The following SPAG16 variants were observed in gnomAD, a reference collection of about 807,000 sequenced individuals.
The protein encoded by SPAG16 is sperm associated antigen 16.
A neutral mutation model predicts 80.4 loss-of-function variants in SPAG16; 86 were observed. The ratio of observed to expected loss-of-function variants is 1.07; its 90% CI spans 0.90 to 1.28. SPAG16 has a LOEUF of 1.28. Ranked by LOEUF, SPAG16 falls within the 50% of genes most tolerant of loss-of-function variation. The pLI is 0.00. For missense variants in SPAG16, 870 were observed against 765.3 expected, an observed-to-expected ratio of 1.14 and a Z score of -1.61; for synonymous variants, 294 against 265.9, an observed-to-expected ratio of 1.11 and a Z score of -1.03.
chr2:213,708,358 A>C (rs2065844042), intron 10 of SPAG16, among the ~76,000 whole-genome samples: 1 of 152,212 alleles, frequency 6.6e-6, no homozygotes, highest in Admixed American at 6.5e-5. Context: ...GTAGCACTTA[A>C]GAAGAGTATG....
At chr2:213,498,190 T>C (rs1184035427) in intron 10 of SPAG16, among the ~76,000 whole-genome samples, 1 of 152,158 alleles carries the variant, frequency 6.6e-6, no homozygotes, top group Non-Finnish European at 1.5e-5. Context: ...TTGATTTAGG[T>C]GAAGCACCCA....
intron 15 of SPAG16, among the ~76,000 whole-genome samples, chr2:214,292,517 A>ATAAC (rs1693870784): frequency 6.6e-6 from 1 of 151,932 alleles, no homozygotes; most frequent in African/African-American, 2.4e-5. Flanking sequence ...TTTTTTTTAA[A>ATAAC]TAACTATTCG....
chr2:213,758,853 G>A (rs2068490637), intron 10 of SPAG16, among the ~76,000 whole-genome samples: 1 of 152,040 alleles, frequency 6.6e-6, no homozygotes, highest in Non-Finnish European at 1.5e-5. Context: ...GACATAAACT[G>A]AAATACATTA....
chr2:213,293,995 A>G (rs1411253793), intron 1 of SPAG16, among the ~76,000 whole-genome samples: 1 of 152,204 alleles, frequency 6.6e-6, no homozygotes, highest in Non-Finnish European at 1.5e-5. Flanking sequence ...ATTATTAGCC[A>G]TAGTTACTGT....
At chr2:213,437,395 A>AT (rs1160122776) in intron 9 of SPAG16, among the ~76,000 whole-genome samples, 1 of 152,220 alleles carries the variant, frequency 6.6e-6, no homozygotes, top group Non-Finnish European at 1.5e-5. Context: ...TAAATAATGA[A>AT]ACGGCTTCAA....
chr2:214,154,497 G>GCC (rs2056123400), intron 15 of SPAG16, among the ~76,000 whole-genome samples: 2 of 63,026 alleles, frequency 3.2e-5, no homozygotes, highest in East Asian at 4.6e-4. Context: ...AAAAGTATCA[G>GCC]ACCCCCCCCC....
chr2:213,334,955 G>T (rs1025796119), intron 5 of SPAG16, among the ~76,000 whole-genome samples: 3 of 152,004 alleles, frequency 2.0e-5, no homozygotes, highest in Admixed American at 2.0e-4. Context: ...AGTAAAATTC[G>T]ATTTTTTGTA....
chr2:214,313,038 C>G (rs1001259745), intron 15 of SPAG16, among the ~76,000 whole-genome samples: 1 of 151,520 alleles, frequency 6.6e-6, no homozygotes, highest in Non-Finnish European at 1.5e-5. Flanking sequence ...AGGAAGAAAA[C>G]CAACAAAGCT....
rs369285465 is a variant in SPAG16, at chr2:214,361,025, C to T, written c.1721-49115C>T. ...GTCAACTCTAGTCTTCCTTCTTGCACGACATTCATGAATTTCTTTCAGTTA... is the reference window on the plus strand; with the variant it reads ...GTCAACTCTAGTCTTCCTTCTTGCATGACATTCATGAATTTCTTTCAGTTA... On this transcript the variant is annotated intron_variant, in intron 15 of 15. Coordinates refer to ENST00000331683, the MANE Select transcript of SPAG16 (RefSeq NM_024532.5). Among the ~76,000 whole-genome samples the T allele has an allele frequency of 4.5e-4, 69 of 151,884 alleles. 1 individual carries two copies. Among genetic ancestry groups the T allele is most frequent in the African/African-American group, 1.2e-3 (51 of 41,500 alleles).
intron 11 of SPAG16, among the ~76,000 whole-genome samples, chr2:213,927,060 C>G (rs2078511158): frequency 6.6e-6 from 1 of 152,194 alleles, no homozygotes; most frequent in African/African-American, 2.4e-5. Flanking sequence ...GTGAGGGCCC[C>G]CTTCTTGCCT....
intron 15 of SPAG16, among the ~76,000 whole-genome samples, chr2:214,393,362 T>C (rs1338138107): frequency 6.6e-6 from 1 of 152,096 alleles, no homozygotes; most frequent in Admixed American, 6.5e-5. Flanking sequence ...GGTAGGGAAG[T>C]TTTGTTCAAT....
chr2:214,295,984 G>A (rs954685451), intron 15 of SPAG16, among the ~76,000 whole-genome samples: 4 of 152,076 alleles, frequency 2.6e-5, no homozygotes, highest in African/African-American at 9.7e-5. Flanking sequence ...TGGGTTTCTA[G>A]TATACCAATC....
intron 13 of SPAG16, among the ~76,000 whole-genome samples, chr2:214,096,246 T>G (rs1437566786): frequency 3.3e-5 from 5 of 151,426 alleles, no homozygotes; most frequent in Non-Finnish European, 7.4e-5. Context: ...ATGATGCTGG[T>G]AGTTTTACAT....
At chr2:214,124,721 A>G (rs1477335154) in intron 14 of SPAG16, among the ~76,000 whole-genome samples, 1 of 151,800 alleles carries the variant, frequency 6.6e-6, no homozygotes, top group African/African-American at 2.4e-5. Flanking sequence ...ACTGTTAGTT[A>G]ACATGCAAAA....
At chr2:214,250,757 TAGAGAGAG>T (rs1171199832) in intron 15 of SPAG16, among the ~76,000 whole-genome samples, 33 of 91,280 alleles carry the variant, frequency 3.6e-4, no homozygotes, top group African/African-American at 1.0e-3. Context: ...TATATATATA[TAGAGAGAG>T]AGAGAGAGAG....
At chr2:214,065,170 A>G (rs2050473513) in intron 13 of SPAG16, among the ~76,000 whole-genome samples, 1 of 152,118 alleles carries the variant, frequency 6.6e-6, no homozygotes, top group Non-Finnish European at 1.5e-5. Flanking sequence ...GGTTAGAATC[A>G]ACACTTATAT....
intron 10 of SPAG16, among the ~76,000 whole-genome samples, chr2:213,636,720 T>C (rs1410744873): frequency 1.3e-5 from 2 of 152,220 alleles, no homozygotes; most frequent in Non-Finnish European, 2.9e-5. Context: ...GCAGCTATTG[T>C]AAAAGGGGTT....
intron 5 of SPAG16, among the ~76,000 whole-genome samples, chr2:213,328,265 G>C (rs1231630441): frequency 6.6e-6 from 1 of 152,044 alleles, no homozygotes; most frequent in Non-Finnish European, 1.5e-5. Context: ...AGGATATTCT[G>C]TACAACTTTT....
chr2:213,690,543 T>C (rs1430237404), intron 10 of SPAG16, among the ~76,000 whole-genome samples: 2 of 152,228 alleles, frequency 1.3e-5, no homozygotes, highest in African/African-American at 4.8e-5. Flanking sequence ...TTAATAGATG[T>C]GTCTGTGAGG....
Sources: gnomAD v4.1 joint callset for allele counts (sites outside exome capture counted in the v4.1 genomes callset) on GRCh38, gnomAD v4.1.1 for gene constraint, MANE v1.5 for transcripts, NCBI Gene and HGNC (gene_info 2026-07-23, HGNC 2026-07-21) for gene names.